NFYC: variants seen among roughly 807,000 people sequenced by gnomAD.
The protein encoded by NFYC is nuclear transcription factor Y subunit gamma, also known as CAAT box DNA-binding protein subunit C.
In NFYC, 25 loss-of-function variants were observed where a neutral mutation model predicts 53.1. That is an observed-to-expected ratio of 0.47 (90% confidence interval 0.34 to 0.66). The LOEUF (loss-of-function observed/expected upper bound fraction) is 0.66. Among genes scored for constraint, NFYC ranks in the 30% least tolerant of loss-of-function variants. The pLI is 0.01. For synonymous variants in NFYC, 145 were observed against 152.6 expected (o/e 0.95, Z 0.37); for missense variants, 260 against 422.7 (o/e 0.62, Z 3.38).
intron 1 of NFYC, among the ~76,000 whole-genome samples, chr1:40,733,947 A>G (rs1042256488): frequency 6.6e-6 from 1 of 152,074 alleles, no homozygotes; most frequent in Admixed American, 6.5e-5. Context: ...GGGTTTTGCT[A>G]TATTAGCCAG....
chr1:40,727,008 A>G (rs1425816167), intron 1 of NFYC, among the ~76,000 whole-genome samples: 2 of 152,202 alleles, frequency 1.3e-5, no homozygotes, highest in African/African-American at 4.8e-5. Flanking sequence ...TTATCATGAG[A>G]TTGCAGCAAT....
chr1:40,729,203 C>T (rs1433555747), intron 1 of NFYC, among the ~76,000 whole-genome samples: 1 of 152,148 alleles, frequency 6.6e-6, no homozygotes, highest in Non-Finnish European at 1.5e-5. Context: ...TATGAAAGTC[C>T]TTGATGGCAT....
chr1:40,726,587 T>G (rs1644530576), intron 1 of NFYC, among the ~76,000 whole-genome samples: 1 of 152,100 alleles, frequency 6.6e-6, no homozygotes, highest in African/African-American at 2.4e-5. Flanking sequence ...TTTTTGTATT[T>G]TTTGTATAGA....
rs1646814587 is a variant in NFYC, at chr1:40,766,454, T to G, written c.721-142T>G. 4.8e-6 allele frequency: 3 copies of G among 630,938 alleles called. No homozygotes were observed. In the African/African-American group the frequency reaches 5.5e-5, roughly 12 times the overall value. 39.1% of individuals were successfully genotyped at this position (630,938 alleles called of 1,614,324 possible). ...TGATTTTGCTTGTTTTGACCTCTGT[T>G]TAAAAGGGACTTTTTTCAGGGCAGG... On this transcript the variant is annotated intron_variant, in intron 7 of 9. Coordinates refer to ENST00000447388, the MANE Select transcript of NFYC (RefSeq NM_014223.5).
chr1:40,715,113 T>TA (rs142127233), intron 1 of NFYC, among the ~76,000 whole-genome samples: 29 of 132,704 alleles, frequency 2.2e-4, no homozygotes, highest in African/African-American at 6.0e-4. Flanking sequence ...AATAAATAAA[T>TA]AATAATTTGG....
chr1:40,750,830 A>G (rs1645873616), intron 4 of NFYC, among the ~76,000 whole-genome samples: 1 of 152,246 alleles, frequency 6.6e-6, no homozygotes, highest in East Asian at 1.9e-4. Flanking sequence ...CATCAGGGAA[A>G]TAAAAAACTG....
At chr1:40,736,012 T>C (rs1645006021) in intron 1 of NFYC, among the ~76,000 whole-genome samples, 1 of 152,216 alleles carries the variant, frequency 6.6e-6, no homozygotes, top group South Asian at 2.1e-4. Flanking sequence ...TACTTGGTTA[T>C]TTAGGACTTA....
At position 40,754,899 on chromosome 1, in the gene NFYC, T is replaced by G. The variant is rs186573516; in HGVS notation, c.387+1653T>G. The stretch of plus-strand genomic sequence containing the variant: ...TAAAGTGTGTCTAGCTGAAACAGCT[T>G]CTTGTTGCTTGGATTTAGTTCTTTG... On this transcript the variant is annotated intron_variant, in intron 5 of 9. Coordinates refer to ENST00000447388, the MANE Select transcript of NFYC (RefSeq NM_014223.5). Among the ~76,000 whole-genome samples the G allele has an allele frequency of 4.0e-3, 614 of 152,276 alleles. 3 individuals carry two copies. The highest frequency in any genetic ancestry group is 5.6e-3 in the Non-Finnish European group (383 of 68,020).
chr1:40,737,872 CAAAAG>C, intron 1 of NFYC, among the ~76,000 whole-genome samples: 1 of 148,936 alleles, frequency 6.7e-6, no homozygotes, highest in Non-Finnish European at 1.5e-5. Flanking sequence ...GTGTCTAAAA[CAAAAG>C]AAGAAACTTA....
intron 6 of NFYC, among the ~76,000 whole-genome samples, chr1:40,759,368 C>G (rs1646411759): frequency 6.6e-6 from 1 of 151,992 alleles, no homozygotes; most frequent in African/African-American, 2.4e-5. Flanking sequence ...GACCTTGTCT[C>G]CACCAGAACA....
At chr1:40,766,042 C>G (rs1646795853) in intron 7 of NFYC, 1 of 143,724 alleles carries the variant, frequency 7.0e-6, no homozygotes, top group South Asian at 2.6e-4. Flanking sequence ...CCTAAAAGCC[C>G]CACAGACCCC....
At chr1:40,766,779 C>T in intron 8 of NFYC, 76 bp downstream of exon 8, 1 of 1,510,602 alleles carries the variant, frequency 6.6e-7, no homozygotes, top group Non-Finnish European at 9.2e-7. Context: ...GAGCGCTCAG[C>T]ACACAGCTGT....
Position 40,771,189 on chromosome 1 carries a change from A to G in NFYC, c.*361A>G, listed in dbSNP as rs1557959704. On this transcript the variant is annotated 3_prime_UTR_variant, in exon 10 of 10. Coordinates refer to ENST00000447388, the MANE Select transcript of NFYC (RefSeq NM_014223.5). Reference sequence around the variant, plus strand: ...TCTTTTTTTTTTGTTTGTTACTGCCACTTCTTTTTAGGAGCAAATCTCCCC... The same window carrying G: ...TCTTTTTTTTTTGTTTGTTACTGCCGCTTCTTTTTAGGAGCAAATCTCCCC... 4 of 306,706 alleles carry G rather than the reference A, an allele frequency of 1.3e-5. No individual in the cohort carries two copies. The highest frequency in any genetic ancestry group is 1.2e-5 in the Non-Finnish European group (2 of 160,558). The allele number at this position is 306,706 out of a possible 1,614,324, so 19.0% of individuals were successfully genotyped here.
intron 6 of NFYC, chr1:40,758,520 CAGT>C: frequency 2.1e-6 from 1 of 468,622 alleles, no homozygotes. Flanking sequence ...GTGTACTAGA[CAGT>C]ATGTTCTCCA....
intron 1 of NFYC, among the ~76,000 whole-genome samples, chr1:40,695,064 C>T (rs572776834): frequency 6.6e-6 from 1 of 152,182 alleles, no homozygotes; most frequent in Admixed American, 6.5e-5. Flanking sequence ...CAGCCTCGCA[C>T]ACATGATGAA....
In NFYC at chr1:40,749,556, G is replaced by C. The variant is rs1361908114; in HGVS notation, c.178-17G>C. 6 of 1,593,710 alleles carry C rather than the reference G, an allele frequency of 3.8e-6. No individual in the cohort carries two copies. Among genetic ancestry groups the C allele is most frequent in the Non-Finnish European group, 5.2e-6 (6 of 1,161,542 alleles). ...GACTTGCTGGTGATTGACAGGGAGG[G>C]CCTGTGTCTGTTACAGATGATCAGT... is the stretch of plus-strand genomic sequence containing the variant. On this transcript the variant is annotated splice_polypyrimidine_tract_variant and intron_variant, in intron 3 of 9. Transcript: ENST00000447388.
intron 7 of NFYC, chr1:40,763,357 T>C (rs1242237819): frequency 2.2e-6 from 1 of 456,140 alleles, no homozygotes; most frequent in South Asian, 1.6e-5. Context: ...CTTTTTTTCT[T>C]TTTAGGAGAC....
chr1:40,731,577 T>A (rs2148548806), intron 1 of NFYC, among the ~76,000 whole-genome samples: 1 of 152,212 alleles, frequency 6.6e-6, no homozygotes, highest in South Asian at 2.1e-4. Flanking sequence ...CTCCACCTCC[T>A]GGATTCAAGC....
intron 3 of NFYC, among the ~76,000 whole-genome samples, chr1:40,748,812 A>T (rs1645758089): frequency 6.6e-6 from 1 of 152,172 alleles, no homozygotes; most frequent in African/African-American, 2.4e-5. Flanking sequence ...GCCCTGTGAG[A>T]TTTGATATAA....
Sources: allele counts gnomAD v4.1 joint callset (sites outside exome capture counted in the v4.1 genomes callset), GRCh38; gene constraint gnomAD v4.1.1; transcripts MANE v1.5; gene names NCBI Gene and HGNC (gene_info 2026-07-23, HGNC 2026-07-21).